The following PDE4D variants were observed in gnomAD, a reference collection of about 807,000 sequenced individuals.
PDE4D encodes the protein phosphodiesterase 4D, also known as 3',5'-cyclic-AMP phosphodiesterase 4D.
In PDE4D, 24 loss-of-function variants were observed where a neutral mutation model predicts 87.4. The observed-to-expected ratio is 0.27, with a 90% CI of 0.20 to 0.39. The LOEUF is 0.39. Among genes scored for constraint, PDE4D ranks in the 10% least tolerant of loss-of-function variants. The pLI is 1.00. For synonymous variants in PDE4D, 384 were observed against 383.2 expected (o/e 1.00, Z -0.02); for missense variants, 714 against 1,041.0 (o/e 0.69, Z 4.32).
At chr5:59,852,958 G>T (rs78504603) in intron 1 of PDE4D, among the ~76,000 whole-genome samples, 5,092 of 152,068 alleles carry the variant, frequency 0.033, 133 homozygotes, top group African/African-American at 0.065. Context: ...AAAGACAAAA[G>T]ACTTTGACAA....
chr5:59,030,446 A>AC (rs930861185), intron 6 of PDE4D, among the ~76,000 whole-genome samples: 3 of 150,278 alleles, frequency 2.0e-5, no homozygotes, highest in African/African-American at 7.4e-5. Context: ...AAAAAAAAAA[A>AC]CAATGTTCCC....
intron 1 of PDE4D, among the ~76,000 whole-genome samples, chr5:59,804,966 T>C (rs1432115129): frequency 6.6e-6 from 1 of 152,128 alleles, no homozygotes; most frequent in African/African-American, 2.4e-5. Context: ...TAATTTTTTG[T>C]ATTTTTAGTA....
chr5:59,102,875 AT>A (rs1387531294), intron 5 of PDE4D, among the ~76,000 whole-genome samples: 8 of 152,206 alleles, frequency 5.3e-5, no homozygotes, highest in Admixed American at 1.3e-4. Context: ...TATACTTGGC[AT>A]GCCTGGGGAG....
intron 1 of PDE4D, among the ~76,000 whole-genome samples, chr5:59,363,922 T>C (rs1782634050): frequency 6.6e-6 from 1 of 152,142 alleles, no homozygotes; most frequent in South Asian, 2.1e-4. Context: ...AGTGATCCTG[T>C]CAATGTTTGT....
At chr5:59,972,334 G>C (rs1256157055) in intron 3 of PDE4D, among the ~76,000 whole-genome samples, 1 of 152,162 alleles carries the variant, frequency 6.6e-6, no homozygotes, top group African/African-American at 2.4e-5. Flanking sequence ...TCTACCCTAA[G>C]ACCTTACCTC....
At chr5:59,308,035 A>G (rs1771767463) in intron 1 of PDE4D, among the ~76,000 whole-genome samples, 1 of 152,232 alleles carries the variant, frequency 6.6e-6, no homozygotes, top group African/African-American at 2.4e-5. Flanking sequence ...GCAGCCATAA[A>G]AAATGATGAG....
At chr5:59,853,768 A>G (rs1380667521) in intron 1 of PDE4D, among the ~76,000 whole-genome samples, 2 of 152,048 alleles carry the variant, frequency 1.3e-5, no homozygotes, top group Non-Finnish European at 2.9e-5. Context: ...TTAAAAATAT[A>G]CATGTTACAC....
rs184418482 is a variant in PDE4D at position 59,959,057 on chromosome 5, T to A, written c.272+29431A>T. Among the ~76,000 whole-genome samples, 6 of 151,792 alleles carry A rather than the reference T, an allele frequency of 4.0e-5. No individual in the cohort carries two copies. In the East Asian group the frequency reaches 1.2e-3, roughly 29 times the overall value. ...TTCTATATACCAGTGACATTCAAAC[T>A]GAGACCTACATCAAGAACACAATCT... On this transcript the variant is annotated intron_variant, in intron 3 of 16. Transcript: ENST00000502484.
chr5:60,353,706 G>T (rs1053268511), intron 1 of PDE4D, among the ~76,000 whole-genome samples: 7 of 152,292 alleles, frequency 4.6e-5, no homozygotes, highest in Admixed American at 2.6e-4. Context: ...TGGAATGGAT[G>T]TTGAGAGATA....
chr5:59,039,268 A>C, intron 5 of PDE4D: 2 of 1,170,868 alleles, frequency 1.7e-6, no homozygotes, highest in South Asian at 2.3e-5. Context: ...GAGCGGAAAA[A>C]CCACTATGCG....
intron 1 of PDE4D, among the ~76,000 whole-genome samples, chr5:59,823,499 C>G (rs1369479663): frequency 6.6e-6 from 1 of 152,168 alleles, no homozygotes; most frequent in African/African-American, 2.4e-5. Context: ...CTCTCCTTTC[C>G]CCCAGAGGCT....
chr5:59,346,892 G>A (rs566669831), intron 1 of PDE4D, among the ~76,000 whole-genome samples: 54 of 152,258 alleles, frequency 3.5e-4, no homozygotes, highest in Non-Finnish European at 6.6e-4. Flanking sequence ...TTATTTGAGC[G>A]ATGAAATGTT....
At chr5:59,275,248 G>T in intron 1 of PDE4D, 1 of 1,026,686 alleles carries the variant, frequency 9.7e-7, no homozygotes, top group Non-Finnish European at 1.4e-6. Context: ...CTTTCACAAA[G>T]CCTCGACATC....
chr5:59,862,757 T>C (rs1327513349), intron 1 of PDE4D, among the ~76,000 whole-genome samples: 2 of 152,210 alleles, frequency 1.3e-5, no homozygotes, highest in Non-Finnish European at 2.9e-5. Context: ...AAAAGTTTCT[T>C]AATATCTCTG....
At chr5:60,083,385 G>T (rs748324612) in intron 2 of PDE4D, among the ~76,000 whole-genome samples, 16 of 152,134 alleles carry the variant, frequency 1.1e-4, no homozygotes, top group Non-Finnish European at 1.5e-5. Flanking sequence ...ATAAGAAAAA[G>T]ATAGGTTAGG....
chr5:59,593,000 A>G (rs976505529), intron 1 of PDE4D, among the ~76,000 whole-genome samples: 1 of 151,896 alleles, frequency 6.6e-6, no homozygotes, highest in Non-Finnish European at 1.5e-5. Context: ...TTTAATAAGA[A>G]GAGCTCTTTA....
intron 1 of PDE4D, among the ~76,000 whole-genome samples, chr5:60,453,602 T>C (rs1361867001): frequency 2.0e-5 from 3 of 152,142 alleles, no homozygotes; most frequent in East Asian, 1.9e-4. Flanking sequence ...AATAGGTTTG[T>C]TGTACTGGTT....
chr5:59,311,836 AC>A (rs1186434347), intron 1 of PDE4D, among the ~76,000 whole-genome samples: 2 of 152,064 alleles, frequency 1.3e-5, no homozygotes, highest in Non-Finnish European at 2.9e-5. Flanking sequence ...TAAAGGGAAG[AC>A]CCTAATCCTC....
intron 1 of PDE4D, among the ~76,000 whole-genome samples, chr5:59,748,238 G>A (rs934555612): frequency 1.3e-5 from 2 of 152,148 alleles, no homozygotes; most frequent in African/African-American, 4.8e-5. Flanking sequence ...CTTCTACTTT[G>A]CACTCTCTTG....
Sources: allele counts gnomAD v4.1 joint callset (sites outside exome capture counted in the v4.1 genomes callset), GRCh38; gene constraint gnomAD v4.1.1; transcripts MANE v1.5; gene names NCBI Gene and HGNC (gene_info 2026-07-23, HGNC 2026-07-21).